Variants in IL1RAPL1 observed in about 807,000 individuals in gnomAD.
The protein encoded by IL1RAPL1 is interleukin-1 receptor accessory protein-like 1.
IL1RAPL1 carries 3 observed loss-of-function variants against 48.4 expected under a neutral mutation model. That is an observed-to-expected ratio of 0.06 (90% CI 0.03 to 0.16). IL1RAPL1 has a LOEUF of 0.16. Ranked by LOEUF, IL1RAPL1 falls within the 10% of genes least tolerant of loss-of-function variation. The pLI is 1.00. For missense variants in IL1RAPL1, 349 were observed against 530.6 expected, an observed-to-expected ratio of 0.66 and a Z score of 3.36; for synonymous variants, 185 against 187.7, an observed-to-expected ratio of 0.99 and a Z score of 0.12.
chrX:29,723,809 A>G (rs893272030), intron 6 of IL1RAPL1, among the ~76,000 whole-genome samples: 1 of 110,438 alleles, frequency 9.1e-6, no homozygotes, highest in African/African-American at 3.3e-5. Context: ...ATGTGTATAT[A>G]TTATTATTAT....
chrX:29,551,675 C>T (rs1216860180), intron 5 of IL1RAPL1, among the ~76,000 whole-genome samples: 1 of 111,147 alleles, frequency 9.0e-6, no homozygotes, highest in Admixed American at 9.6e-5. Context: ...TTAATATATT[C>T]ATCTCTTTAA....
chrX:29,174,144 G>C (rs900194135), intron 2 of IL1RAPL1, among the ~76,000 whole-genome samples: 1 of 110,151 alleles, frequency 9.1e-6, no homozygotes, highest in Non-Finnish European at 1.9e-5. Flanking sequence ...GGCTGGTCTC[G>C]AACTCCCAAC....
At chrX:29,017,242 C>A (rs984382616) in intron 2 of IL1RAPL1, among the ~76,000 whole-genome samples, 1 of 112,280 alleles carries the variant, frequency 8.9e-6, no homozygotes, top group Admixed American at 9.4e-5. Context: ...ACCACTACCA[C>A]GTATTACGTG....
intron 5 of IL1RAPL1, among the ~76,000 whole-genome samples, chrX:29,596,190 T>C (rs1405473906): frequency 8.9e-6 from 1 of 111,824 alleles, no homozygotes. Flanking sequence ...TTCTTTTTGC[T>C]TAGTCTTGCT....
intron 2 of IL1RAPL1, among the ~76,000 whole-genome samples, chrX:29,108,326 G>A (rs1928489583): frequency 9.0e-6 from 1 of 110,983 alleles, no homozygotes; most frequent in African/African-American, 3.3e-5. Flanking sequence ...CAATTTATAT[G>A]TCTATTCTAC....
intron 5 of IL1RAPL1, among the ~76,000 whole-genome samples, chrX:29,525,390 A>G (rs766971320): frequency 1.2e-4 from 13 of 112,308 alleles, no homozygotes; most frequent in African/African-American, 4.2e-4. Flanking sequence ...TACAAATGGC[A>G]TCATTACTTT....
At chrX:29,445,944 A>G (rs1934606677) in intron 5 of IL1RAPL1, among the ~76,000 whole-genome samples, 1 of 111,978 alleles carries the variant, frequency 8.9e-6, no homozygotes, top group Admixed American at 9.5e-5. Flanking sequence ...TCATTTATGA[A>G]TTCCAAAATC....
intron 1 of IL1RAPL1, among the ~76,000 whole-genome samples, chrX:28,596,448 C>T (rs1933956781): frequency 9.2e-6 from 1 of 108,757 alleles, no homozygotes; most frequent in East Asian, 3.0e-4. Context: ...CAAGGGGATG[C>T]AAGAGGGACT....
chrX:29,121,582 T>C (rs1349463285), intron 2 of IL1RAPL1, among the ~76,000 whole-genome samples: 3 of 111,823 alleles, frequency 2.7e-5, no homozygotes, highest in South Asian at 3.7e-4. Flanking sequence ...CCCTAAAGAA[T>C]TGACAAAACA....
At chrX:29,175,768 C>G (rs1473794983) in intron 2 of IL1RAPL1, among the ~76,000 whole-genome samples, 2 of 99,124 alleles carry the variant, frequency 2.0e-5, no homozygotes, top group African/African-American at 7.5e-5. Context: ...ATTGCTTGAA[C>G]CCAGGAGGTA....
intron 5 of IL1RAPL1, among the ~76,000 whole-genome samples, chrX:29,621,921 C>T (rs1924473103): frequency 9.0e-6 from 1 of 111,713 alleles, no homozygotes. Context: ...CTCTTTATCT[C>T]CTTCTCCTTC....
At chrX:28,814,837 A>G (rs1601914868) in intron 2 of IL1RAPL1, among the ~76,000 whole-genome samples, 1 of 109,827 alleles carries the variant, frequency 9.1e-6, no homozygotes, top group Middle Eastern at 4.7e-3. Flanking sequence ...CATATCAATT[A>G]TACTTCTATT....
At chrX:29,807,328 G>A (rs941360638) in intron 6 of IL1RAPL1, among the ~76,000 whole-genome samples, 3 of 109,887 alleles carry the variant, frequency 2.7e-5, no homozygotes, top group African/African-American at 9.9e-5. Context: ...AAAATGAAAG[G>A]GAAACACTGG....
chrX:29,154,260 C>T (rs1414848386), intron 2 of IL1RAPL1, among the ~76,000 whole-genome samples: 2 of 111,566 alleles, frequency 1.8e-5, no homozygotes, highest in Non-Finnish European at 3.8e-5. Flanking sequence ...ATTTTGTGGG[C>T]CAGGTGCGGT....
At chrX:29,691,729 C>T (rs1005639357) in intron 6 of IL1RAPL1, among the ~76,000 whole-genome samples, 6 of 88,474 alleles carry the variant, frequency 6.8e-5, no homozygotes, top group Non-Finnish European at 1.0e-4. Context: ...CCGGCCTGGG[C>T]GACAGAGCGA....
In IL1RAPL1 at chrX:29,575,892, A is replaced by G. The variant is rs1356421169; in HGVS notation, c.704-92538A>G. Among the ~76,000 whole-genome samples, 4 of 112,024 alleles carry G rather than the reference A, an allele frequency of 3.6e-5. No individual in the cohort carries two copies. In the East Asian group the frequency reaches 8.5e-4, roughly 24 times the overall value. On this transcript the variant is annotated intron_variant, in intron 5 of 10. Transcript: ENST00000378993. ...GAGGGCTGTGTGAGCTGTCATACAC[A>G]TGAAATGCAGCAAGGACTCTTATGG...
intron 1 of IL1RAPL1, among the ~76,000 whole-genome samples, chrX:28,630,180 C>CTT (rs779624534): frequency 9.1e-6 from 1 of 110,334 alleles, no homozygotes; most frequent in Admixed American, 9.7e-5. Flanking sequence ...GATAGATCGA[C>CTT]TTTTTTTTTG....
intron 2 of IL1RAPL1, among the ~76,000 whole-genome samples, chrX:28,836,336 T>TTA (rs34343530): frequency 0.022 from 1,905 of 85,208 alleles, 43 homozygotes; most frequent in Admixed American, 0.054. Context: ...CTTCCCAATT[T>TTA]TATATATATA....
chrX:29,338,294 T>C (rs1057276918), intron 3 of IL1RAPL1, among the ~76,000 whole-genome samples: 1 of 111,272 alleles, frequency 9.0e-6, no homozygotes, highest in Admixed American at 9.6e-5. Flanking sequence ...CGCACATTGC[T>C]GAGCCAAATA....
Sources: allele counts gnomAD v4.1 joint callset (sites outside exome capture counted in the v4.1 genomes callset), GRCh38; gene constraint gnomAD v4.1.1; transcripts MANE v1.5; gene names NCBI Gene and HGNC (gene_info 2026-07-23, HGNC 2026-07-21).